The following CFB variants were observed in gnomAD, a reference collection of about 807,000 sequenced individuals.
The protein encoded by CFB is B-factor, properdin.
Under a neutral mutation model 97.2 loss-of-function variants are expected in CFB, and 59 were observed. That is an observed-to-expected ratio of 0.61 (90% confidence interval 0.49 to 0.75). The LOEUF is 0.75. Among genes scored for constraint, CFB ranks in the 30% least tolerant of loss-of-function variants. CFB has a pLI of 0.00. For synonymous variants in CFB, 316 were observed against 351.7 expected (o/e 0.90, Z 1.14); for missense variants, 771 against 959.8 (o/e 0.80, Z 2.60).
Position 31,948,465 on chromosome 6 carries a change from G to C in CFB, c.989G>C (p.Ser330Thr), listed in dbSNP as rs771049110. 1.2e-6 allele frequency: 2 copies of C among 1,614,110 alleles called. No individual in the cohort carries two copies. Among genetic ancestry groups the C allele is most frequent in the African/African-American group, 2.7e-5 (2 of 74,942 alleles). Residue 330 changes from serine (S) to threonine (T), a missense_variant, in exon 7 of 18, where the codon AGT (serine) becomes ACT (threonine). Transcript: ENST00000425368. Reference protein sequence around the residue: ...IWVKVSEADSSNADWVTKQLN... With the variant: ...IWVKVSEADSTNADWVTKQLN... ...GTCAAAGTGTCTGAAGCAGACAGCA[G>C]TAATGCAGACTGGGTCACGAAGCAG...
At position 31,952,063 on chromosome 6, in the gene CFB, A is replaced by C. The variant is rs1562635403; in HGVS notation, c.*33A>C. On this transcript the variant is annotated 3_prime_UTR_variant, in exon 18 of 18. Coordinates refer to ENST00000425368, the MANE Select transcript of CFB (RefSeq NM_001710.6). ...CCTGCTGGACAGGGGCGTGGGATTG[A>C]ATTAAAACAGCTGCGACAACACCTG... The C allele has an allele frequency of 6.2e-7, 1 of 1,611,028 alleles. No individual in the cohort carries two copies. Among genetic ancestry groups the C allele is most frequent in the Non-Finnish European group, 8.5e-7 (1 of 1,179,840 alleles).
In CFB at chr6:31,950,610, C is replaced by T. The variant is rs1433612293; in HGVS notation, c.1625-9C>T. 2.5e-6 allele frequency: 4 copies of T among 1,612,940 alleles called. No homozygotes were observed. Among genetic ancestry groups the T allele is most frequent in the Non-Finnish European group, 3.4e-6 (4 of 1,179,996 alleles). On this transcript the variant is annotated splice_polypyrimidine_tract_variant and intron_variant, in intron 12 of 17. Transcript: ENST00000425368. ...CCACAAAGAGGTGGTACCTACTCTC[C>T]TACTTCAGGAGGGGAGAAGCGGGAC...
rs773045025 is a variant in CFB, at chr6:31,950,645, G to A, written c.1651G>A (p.Glu551Lys). The A allele has an allele frequency of 6.2e-7, 1 of 1,613,042 alleles. No homozygotes were observed. Among genetic ancestry groups the A allele is most frequent in the Non-Finnish European group, 8.5e-7 (1 of 1,180,028 alleles). The change falls in exon 13 of 18, where the codon GAA becomes AAA. Residue 551 changes from glutamate (E) to lysine (K), a missense_variant. Glu to Lys is a moderately conservative substitution (Grantham distance 56). Coordinates refer to ENST00000425368, the MANE Select transcript of CFB (RefSeq NM_001710.6). ...AGGGGAGAAGCGGGACCTGGAGATAGAAGTAGTCCTATTTCACCCCAACTA... is the reference window on the plus strand; with the variant it reads ...AGGGGAGAAGCGGGACCTGGAGATAAAAGTAGTCCTATTTCACCCCAACTA... ...VGGEKRDLEI[E>K]VVLFHPNYNI...
rs1208999409 is a variant in CFB at position 31,946,518 on chromosome 6, T to C, written c.210T>C (p.Pro70=). ...GTCCTTCTGGCTTCTACCCGTACCC[T>C]GTGCAGACACGTACCTGCAGATCTA... The part of the protein sequence containing the change: ...YVCPSGFYPY[P]VQTRTCRSTG... The change falls in exon 2 of 18, where the codon CCT becomes CCC. Residue 70 remains proline, a synonymous_variant. Transcript: ENST00000425368. This position sits in a 1 kb window ranked among gnomAD's most constrained non-coding sequence, Gnocchi z 6.4. The C allele has an allele frequency of 6.2e-7, 1 of 1,613,048 alleles. No individual in the cohort carries two copies. Among genetic ancestry groups the C allele is most frequent in the Non-Finnish European group, 8.5e-7 (1 of 1,180,036 alleles).
rs1337999128 is a variant in CFB at position 31,951,587 on chromosome 6, A to G, written c.2122A>G (p.Arg708Gly). 1 of 1,614,164 alleles carries G rather than the reference A, an allele frequency of 6.2e-7. No homozygotes were observed. Among genetic ancestry groups the G allele is most frequent in the East Asian group, 2.2e-5 (1 of 44,884 alleles). The change falls in exon 17 of 18, where the codon AGA (arginine) becomes GGA (glycine). Residue 708 changes from arginine to glycine, a missense_variant. Coordinates refer to ENST00000425368, the MANE Select transcript of CFB (RefSeq NM_001710.6). The surrounding 1 kb of genome is among the most constrained non-coding windows in gnomAD (Gnocchi z 4.3). The stretch of plus-strand genomic sequence containing the variant: ...TGGCGGCCCCTTGATAGTTCACAAG[A>G]GAAGTCGTTTCATTCAAGTGAGTCC... ...DSGGPLIVHK[R>G]SRFIQVGVIS... is the part of the protein sequence containing the mutation.
chr6:31,946,964 C>G lies in CFB; in HGVS notation c.299-43C>G, dbSNP rs754541455. 1.9e-6 allele frequency: 3 copies of G among 1,603,192 alleles called. No homozygotes were observed. Among genetic ancestry groups the G allele is most frequent in the Non-Finnish European group, 2.6e-6 (3 of 1,171,168 alleles). On this transcript the variant is annotated intron_variant, in intron 2 of 17. Coordinates refer to ENST00000425368, the MANE Select transcript of CFB (RefSeq NM_001710.6). The surrounding 1 kb of genome is among the most constrained non-coding windows in gnomAD (Gnocchi z 6.4). ...ACCAGGAGGGATACACCTAAGGCAG[C>G]CTTTCCCTCTTGATGACTTCTACTT...
chr6:31,949,547 C>T lies in CFB; in HGVS notation c.1398C>T (p.Tyr466=), dbSNP rs1410851941. The T allele has an allele frequency of 1.9e-6, 3 of 1,613,042 alleles. No homozygotes were observed. The highest frequency in any genetic ancestry group is 1.7e-5 in the Admixed American group (1 of 60,006). Residue 466 remains tyrosine, a synonymous_variant, in exon 10 of 18, where the codon TAC becomes TAT. Transcript: ENST00000425368. The stretch of plus-strand genomic sequence containing the variant: ...TGGAAAACCTGGAAGATGTTTTCTA[C>T]CAAATGATCGGTAGGGAGATACAAG... The part of the protein sequence containing the change: ...KDMENLEDVF[Y]QMIDESQSLS...
Position 31,951,145 on chromosome 6 carries a change from G to A in CFB, c.1857G>A (p.Lys619=), listed in dbSNP as rs1174528573. The A allele has an allele frequency of 2.5e-6, 4 of 1,612,880 alleles. No homozygotes were observed. The highest frequency in any genetic ancestry group is 3.4e-6 in the Non-Finnish European group (4 of 1,179,894). The change falls in exon 15 of 18, where the codon AAG becomes AAA. Residue 619 remains lysine (K), a splice_region_variant and synonymous_variant. Coordinates refer to ENST00000425368, the MANE Select transcript of CFB (RefSeq NM_001710.6). This position sits in a 1 kb window ranked among gnomAD's most constrained non-coding sequence, Gnocchi z 4.3. ...LPPTTTCQQQ[K]EELLPAQDIK... is the part of the protein sequence containing the mutation. ...AAGTGACGCAGTCTATTCGTCCAGA[G>A]GAAGAGCTGCTCCCTGCACAGGATA... is the stretch of plus-strand genomic sequence containing the variant.
chr6:31,949,676 C>A (rs1771635162), intron 10 of CFB, 119 bp downstream of exon 10: 1 of 1,209,950 alleles, frequency 8.3e-7, no homozygotes, highest in African/African-American at 1.5e-5. Context: ...TCCTCCTTCT[C>A]TACCTCAGTG....
In CFB at chr6:31,950,606, T is replaced by C; in HGVS notation, c.1625-13T>C. On this transcript the variant is annotated splice_polypyrimidine_tract_variant and intron_variant, in intron 12 of 17. Transcript: ENST00000425368. ...CTGCCCACAAAGAGGTGGTACCTAC[T>C]CTCCTACTTCAGGAGGGGAGAAGCG... 6.2e-7 allele frequency: 1 copy of C among 1,612,846 alleles called. No individual in the cohort carries two copies. The highest frequency in any genetic ancestry group is 8.5e-7 in the Non-Finnish European group (1 of 1,179,962).
intron 6 of CFB, 52 bp from the exon 7 acceptor site, chr6:31,948,322 A>G: frequency 6.2e-7 from 1 of 1,613,128 alleles, no homozygotes; most frequent in Non-Finnish European, 8.5e-7. Context: ...AAATCTCCCA[A>G]TCACAGTATT....
At position 31,950,858 on chromosome 6, in the gene CFB, T is replaced by C; in HGVS notation, c.1779-10T>C. The C allele has an allele frequency of 6.2e-7, 1 of 1,613,016 alleles. No homozygotes were observed. The highest frequency in any genetic ancestry group is 8.5e-7 in the Non-Finnish European group (1 of 1,180,002). ...CAGGCCTGGTTTGCTGTTCTCCTTG[T>C]CCTTTATAGGCCCATTTGTCTCCCC... On this transcript the variant is annotated splice_polypyrimidine_tract_variant and intron_variant, in intron 13 of 17. Transcript: ENST00000425368.
At chr6:31,949,133 T>C (rs1771605500) in intron 8 of CFB, 110 bp from the exon 9 acceptor site, 1 of 1,425,628 alleles carries the variant, frequency 7.0e-7, no homozygotes, top group Non-Finnish European at 9.7e-7. Context: ...AGCCCTGTGA[T>C]CAACTATCTC....
rs1186092074 is a variant in CFB at position 31,946,341 on chromosome 6, TG to T, written c.65-28del. The T allele has an allele frequency of 1.9e-6, 3 of 1,612,762 alleles. No individual in the cohort carries two copies. Among genetic ancestry groups the T allele is most frequent in the Non-Finnish European group, 2.5e-6 (3 of 1,179,864 alleles). On this transcript the variant is annotated intron_variant, in intron 1 of 17. Coordinates refer to ENST00000425368, the MANE Select transcript of CFB (RefSeq NM_001710.6). This position sits in a 1 kb window ranked among gnomAD's most constrained non-coding sequence, Gnocchi z 6.4. ...TCTCCAGCATCCCTCCTTGGCCTTT[TG>T]GGGCCAGGCTTCATCAGCCTTTCTC...
At position 31,950,602 on chromosome 6, in the gene CFB, C is replaced by G. The variant is rs751798144; in HGVS notation, c.1625-17C>G. The G allele has an allele frequency of 8.9e-5, 144 of 1,612,774 alleles. No homozygotes were observed. The highest frequency in any genetic ancestry group is 1.1e-4 in the Non-Finnish European group (129 of 1,180,006). ...GAAGCTGCCCACAAAGAGGTGGTAC[C>G]TACTCTCCTACTTCAGGAGGGGAGA... On this transcript the variant is annotated splice_polypyrimidine_tract_variant and intron_variant, in intron 12 of 17. Transcript: ENST00000425368.
rs1235036962 is a variant in CFB at position 31,951,183 on chromosome 6, T to C, written c.1895T>C (p.Phe632Ser). The C allele has an allele frequency of 6.2e-7, 1 of 1,613,028 alleles. No individual in the cohort carries two copies. Among genetic ancestry groups the C allele is most frequent in the Non-Finnish European group, 8.5e-7 (1 of 1,179,980 alleles). The change falls in exon 15 of 18, where the codon TTT becomes TCT. Residue 632 changes from phenylalanine (F) to serine (S), a missense_variant. Physicochemically the swap from Phe to Ser is radical, Grantham distance 155 (BLOSUM62 -2). Transcript: ENST00000425368. This position sits in a 1 kb window ranked among gnomAD's most constrained non-coding sequence, Gnocchi z 4.3. ...LLPAQDIKALFVSEEEKKLTR... is the reference protein window; with the variant it reads ...LLPAQDIKALSVSEEEKKLTR... The stretch of plus-strand genomic sequence containing the variant: ...CCTGCACAGGATATCAAAGCTCTGT[T>C]TGTGTCTGAGGAGGAGAAAAAGCTG...
In CFB at chr6:31,950,296, A is replaced by G; in HGVS notation, c.1517A>G (p.Lys506Arg). The G allele has an allele frequency of 6.2e-7, 1 of 1,612,974 alleles. No individual in the cohort carries two copies. ...CTGTTGTGTCCCCAGCGCCCTTCAA[A>G]GGGACACGAGAGCTGTATGGGGGCT... ...QAKISVIRPS[K>R]GHESCMGAVV... Residue 506 changes from lysine to arginine, a missense_variant, in exon 12 of 18, where the codon AAG becomes AGG. Coordinates refer to ENST00000425368, the MANE Select transcript of CFB (RefSeq NM_001710.6).
In CFB at chr6:31,951,082, C is replaced by T; in HGVS notation, c.1856-62C>T. 1.3e-6 allele frequency: 2 copies of T among 1,591,520 alleles called. No individual in the cohort carries two copies. The highest frequency in any genetic ancestry group is 8.6e-7 in the Non-Finnish European group (1 of 1,161,330). On this transcript the variant is annotated intron_variant, in intron 14 of 17. Coordinates refer to ENST00000425368, the MANE Select transcript of CFB (RefSeq NM_001710.6). This position sits in a 1 kb window ranked among gnomAD's most constrained non-coding sequence, Gnocchi z 4.3. ...GGCTTAGGGGACATCTACTGAGTGA[C>T]AAAGGCAATGGGGAGATGACAGTGG...
rs1027200708 is a variant in CFB, at chr6:31,948,846, A to G, written c.1053A>G (p.Ser351=). 1.2e-6 allele frequency: 2 copies of G among 1,612,968 alleles called. No individual in the cohort carries two copies. Among genetic ancestry groups the G allele is most frequent in the African/African-American group, 2.7e-5 (2 of 74,926 alleles). The stretch of plus-strand genomic sequence containing the variant: ...TCTCCACAGACCACAAGTTGAAGTC[A>G]GGGACTAACACCAAGAAGGCCCTCC... ...EINYEDHKLK[S]GTNTKKALQA... The change falls in exon 8 of 18, where the codon TCA becomes TCG. Residue 351 remains serine, a synonymous_variant. Coordinates refer to ENST00000425368, the MANE Select transcript of CFB (RefSeq NM_001710.6).
Sources: gnomAD v4.1 joint callset for allele counts on GRCh38, gnomAD v4.1.1 for gene constraint, Gnocchi (gnomAD v3.1) non-coding constraint, MANE v1.5 for transcripts, NCBI Gene and HGNC (gene_info 2026-07-23, HGNC 2026-07-21) for gene names.